The following CEP70 variants were observed in gnomAD, a reference collection of about 807,000 sequenced individuals.
CEP70 encodes centrosomal protein of 70 kDa.
CEP70 carries 70 observed loss-of-function variants against 90.9 expected under a neutral mutation model. That is an observed-to-expected ratio of 0.77 (90% CI 0.64 to 0.94). The LOEUF is 0.94. Among genes scored for constraint, CEP70 ranks in the 40% least tolerant of loss-of-function variants. The pLI, the probability that CEP70 is intolerant of heterozygous loss-of-function variation, is 0.00. For synonymous variants in CEP70, 220 were observed against 228.3 expected, an observed-to-expected ratio of 0.96 and a Z score of 0.33; for missense variants, 648 against 669.0, an observed-to-expected ratio of 0.97 and a Z score of 0.35.
intron 11 of CEP70, among the ~76,000 whole-genome samples, chr3:138,520,606 G>A (rs2036521941): frequency 6.6e-6 from 1 of 152,146 alleles, no homozygotes. Flanking sequence ...CAAAATGAAG[G>A]CAGAAATAAA....
intron 13 of CEP70, among the ~76,000 whole-genome samples, chr3:138,501,283 T>C (rs192502677): frequency 2.6e-5 from 4 of 152,320 alleles, no homozygotes; most frequent in Non-Finnish European, 5.9e-5. Flanking sequence ...AACAGCTTTA[T>C]TGAGATGTAA....
At chr3:138,532,105 C>G (rs1170914054) in intron 8 of CEP70, among the ~76,000 whole-genome samples, 1 of 152,096 alleles carries the variant, frequency 6.6e-6, no homozygotes, top group African/African-American at 2.4e-5. Flanking sequence ...CTTGATTTTT[C>G]ACTGACATTT....
chr3:138,588,379 A>T (rs1476919833), intron 2 of CEP70, among the ~76,000 whole-genome samples: 5 of 152,242 alleles, frequency 3.3e-5, no homozygotes, highest in Admixed American at 3.3e-4. Flanking sequence ...AAAACTTAGT[A>T]AGGAAGTTAA....
chr3:138,558,033 A>G (rs2040144574), intron 6 of CEP70, among the ~76,000 whole-genome samples: 2 of 152,178 alleles, frequency 1.3e-5, no homozygotes, highest in Non-Finnish European at 2.9e-5. Flanking sequence ...GAAAGTGCTA[A>G]CAAGGAAATG....
intron 11 of CEP70, among the ~76,000 whole-genome samples, chr3:138,513,854 C>T (rs1466815777): frequency 1.3e-5 from 2 of 151,974 alleles, no homozygotes; most frequent in South Asian, 2.1e-4. Flanking sequence ...ATTTTATAAT[C>T]AGCCTGTTTG....
chr3:138,510,302 G>A (rs369995401), intron 11 of CEP70, among the ~76,000 whole-genome samples: 4 of 151,782 alleles, frequency 2.6e-5, no homozygotes, highest in East Asian at 1.9e-4. Flanking sequence ...ATATGGTGGC[G>A]CATGCCTGTA....
intron 7 of CEP70, among the ~76,000 whole-genome samples, chr3:138,534,554 G>C (rs1328756955): frequency 6.6e-6 from 1 of 152,156 alleles, no homozygotes; most frequent in Non-Finnish European, 1.5e-5. Flanking sequence ...TGGGAATTCT[G>C]AGCAAATAAA....
At chr3:138,531,723 C>G (rs1319564048) in intron 8 of CEP70, 1 of 146,172 alleles carries the variant, frequency 6.8e-6, no homozygotes, top group African/African-American at 2.5e-5. Context: ...TTTGGAGTCC[C>G]CACAGTACTA....
chr3:138,498,614 G>A (rs556152702), intron 16 of CEP70, among the ~76,000 whole-genome samples: 2 of 151,992 alleles, frequency 1.3e-5, no homozygotes, highest in South Asian at 2.1e-4. Context: ...GATTACAGGC[G>A]TGAGCTACCA....
chr3:138,578,255 A>C (rs925882442), intron 2 of CEP70, among the ~76,000 whole-genome samples: 1 of 152,186 alleles, frequency 6.6e-6, no homozygotes, highest in Non-Finnish European at 1.5e-5. Context: ...GAACACTAAA[A>C]TATAAGTGGG....
intron 5 of CEP70, 60 bp downstream of exon 5, chr3:138,570,974 A>C: frequency 1.5e-6 from 2 of 1,344,656 alleles, no homozygotes; most frequent in Non-Finnish European, 2.0e-6. Context: ...ATTTTTTTCA[A>C]GGCAGTTATT....
chr3:138,504,201 T>C (rs1030339894), intron 13 of CEP70, among the ~76,000 whole-genome samples: 4 of 152,218 alleles, frequency 2.6e-5, no homozygotes, highest in Admixed American at 1.3e-4. Flanking sequence ...TCTTCTGAGA[T>C]ACAGACTGGA....
chr3:138,583,995 T>C (rs1406183827), intron 2 of CEP70, among the ~76,000 whole-genome samples: 1 of 151,984 alleles, frequency 6.6e-6, no homozygotes, highest in African/African-American at 2.4e-5. Context: ...AAAAAGTTGG[T>C]TTTTTGAAAA....
chr3:138,563,849 A>T (rs1180386805), intron 6 of CEP70, among the ~76,000 whole-genome samples: 1 of 152,232 alleles, frequency 6.6e-6, no homozygotes, highest in Non-Finnish European at 1.5e-5. Flanking sequence ...CTAAGATTAC[A>T]GCAGAAATGA....
chr3:138,517,555 G>C (rs1358231250), intron 11 of CEP70, among the ~76,000 whole-genome samples: 1 of 152,188 alleles, frequency 6.6e-6, no homozygotes, highest in Non-Finnish European at 1.5e-5. Context: ...TGTAGTCCTA[G>C]CTACTTGGGA....
At chr3:138,510,158 G>A (rs1281868463) in intron 11 of CEP70, among the ~76,000 whole-genome samples, 3 of 151,816 alleles carry the variant, frequency 2.0e-5, no homozygotes, top group Non-Finnish European at 4.4e-5. Flanking sequence ...CAGCCACAGT[G>A]TGTGATACAT....
intron 11 of CEP70, among the ~76,000 whole-genome samples, chr3:138,508,934 C>T (rs925564032): frequency 2.6e-5 from 4 of 151,974 alleles, no homozygotes; most frequent in Admixed American, 6.6e-5. Flanking sequence ...GGGGTTTCAC[C>T]GTGTTAACCA....
intron 11 of CEP70, 64 bp from the exon 12 acceptor site, chr3:138,508,608 A>G: frequency 2.0e-6 from 2 of 1,012,386 alleles, no homozygotes; most frequent in Non-Finnish European, 3.1e-6. Flanking sequence ...CCAAGATGAT[A>G]AACTAAGTCA....
At chr3:138,575,359 G>A (rs932929535) in intron 2 of CEP70, among the ~76,000 whole-genome samples, 11 of 152,164 alleles carry the variant, frequency 7.2e-5, no homozygotes, top group Admixed American at 6.5e-5. Context: ...ATCAGTGATT[G>A]AAGATCAAAT....
Sources: allele counts gnomAD v4.1 joint callset (sites outside exome capture counted in the v4.1 genomes callset), GRCh38; gene constraint gnomAD v4.1.1; transcripts MANE v1.5; gene names NCBI Gene and HGNC (gene_info 2026-07-23, HGNC 2026-07-21).